The following CALN1 variants were observed in gnomAD, a reference collection of about 807,000 sequenced individuals.
The protein encoded by CALN1 is calcium-binding protein 8.
CALN1 carries 17 observed loss-of-function variants against 30.6 expected under a neutral mutation model. That is an observed-to-expected ratio of 0.56 (90% CI 0.38 to 0.83). The LOEUF (loss-of-function observed/expected upper bound fraction) is 0.83, where lower values mean the gene tolerates loss of function less well. Ranked by LOEUF, CALN1 falls within the 40% of genes least tolerant of loss-of-function variation. CALN1 has a pLI of 0.00. For synonymous variants in CALN1, 156 were observed against 131.4 expected, an observed-to-expected ratio of 1.19 and a Z score of -1.28; for missense variants, 291 against 354.9, an observed-to-expected ratio of 0.82 and a Z score of 1.45.
the CALN1 span, among the ~76,000 whole-genome samples, chr7:72,464,063 G>T: frequency 7.0e-6 from 1 of 143,546 alleles, no homozygotes; most frequent in East Asian, 2.0e-4. Context: ...GAAAGAGAAA[G>T]AAAGAAAGAA....
In CALN1 at chr7:71,985,869, T is replaced by C. The variant is rs374562304; in HGVS notation, c.501+37788A>G. On this transcript the variant is annotated intron_variant, in intron 5 of 6. Transcript: ENST00000395275. Reference sequence around the variant, plus strand: ...CCTCCCAAAGTGCTGGGATTACAGGTGTGAGCCACTGTACCTGGCCAGTAG... The same window carrying C: ...CCTCCCAAAGTGCTGGGATTACAGGCGTGAGCCACTGTACCTGGCCAGTAG... 3.1e-4 allele frequency among the ~76,000 whole-genome samples: 47 copies of C among 151,932 alleles called. No individual in the cohort carries two copies. The East Asian group carries it at 5.1e-3, about 16-fold the overall frequency.
chr7:71,903,391 T>C (rs1562886784), intron 5 of CALN1, among the ~76,000 whole-genome samples: 1 of 152,040 alleles, frequency 6.6e-6, no homozygotes, highest in African/African-American at 2.4e-5. Context: ...AGCCCAGAAA[T>C]AAATCCACAT....
At chr7:72,086,705 A>AT (rs1245637921) in intron 4 of CALN1, among the ~76,000 whole-genome samples, 2 of 152,130 alleles carry the variant, frequency 1.3e-5, no homozygotes, top group East Asian at 3.8e-4. Context: ...AAGTGCTGGG[A>AT]TTTTTACACA....
chr7:72,044,599 CTTTTTT>C (rs549079139), intron 4 of CALN1, among the ~76,000 whole-genome samples: 14 of 96,688 alleles, frequency 1.4e-4, no homozygotes, highest in African/African-American at 4.5e-4. Flanking sequence ...CCGCTTAAAA[CTTTTTT>C]TTTTTTTTTT....
chr7:72,245,655 T>G (rs1162419988), intron 3 of CALN1, among the ~76,000 whole-genome samples: 1 of 148,834 alleles, frequency 6.7e-6, no homozygotes, highest in Non-Finnish European at 1.5e-5. Flanking sequence ...AATAAATAAA[T>G]AAATAAAGTT....
chr7:71,863,759 T>C (rs1791437098), intron 5 of CALN1, among the ~76,000 whole-genome samples: 1 of 152,020 alleles, frequency 6.6e-6, no homozygotes, highest in Non-Finnish European at 1.5e-5. Context: ...CCTGCAGCAA[T>C]CCTCTAGCCT....
chr7:72,181,152 CTACCATGTTAAAG>C (rs1789777631), intron 3 of CALN1, among the ~76,000 whole-genome samples: 5 of 144,000 alleles, frequency 3.5e-5, no homozygotes, highest in African/African-American at 7.7e-5. Flanking sequence ...GCTTTTACCC[CTACCATGTTAAAG>C]TACCATGGAA....
intron 5 of CALN1, among the ~76,000 whole-genome samples, chr7:71,870,531 A>C (rs1584412562): frequency 6.6e-6 from 1 of 152,240 alleles, no homozygotes; most frequent in African/African-American, 2.4e-5. Flanking sequence ...AAGGCTAAAA[A>C]GAAAGATAAT....
At chr7:72,457,917 C>A in the CALN1 span, among the ~76,000 whole-genome samples, 1 of 151,012 alleles carries the variant, frequency 6.6e-6, no homozygotes, top group African/African-American at 2.4e-5. Context: ...CACCACGTCT[C>A]GATACTTTTT....
chr7:72,314,410 T>C (rs28667127), intron 2 of CALN1, among the ~76,000 whole-genome samples: 1 of 151,096 alleles, frequency 6.6e-6, no homozygotes, highest in Non-Finnish European at 1.5e-5. Flanking sequence ...TATATACACA[T>C]ATATATACAC....
intron 5 of CALN1, among the ~76,000 whole-genome samples, chr7:71,914,870 C>T (rs984213423): frequency 2.0e-5 from 3 of 152,200 alleles, no homozygotes; most frequent in East Asian, 1.9e-4. Flanking sequence ...CTGTTCATGT[C>T]GTTTGCCCAC....
chr7:72,295,264 T>C (rs1296716710), intron 2 of CALN1, among the ~76,000 whole-genome samples: 2 of 152,228 alleles, frequency 1.3e-5, no homozygotes, highest in African/African-American at 4.8e-5. Flanking sequence ...TTACGGGCTA[T>C]CTTTAAAGTA....
intron 2 of CALN1, among the ~76,000 whole-genome samples, chr7:72,279,413 T>G (rs1797583169): frequency 6.6e-6 from 1 of 152,208 alleles, no homozygotes; most frequent in African/African-American, 2.4e-5. Flanking sequence ...GAGTGGTGTG[T>G]GAGCACACAC....
intron 5 of CALN1, among the ~76,000 whole-genome samples, chr7:71,825,695 GA>G (rs1292949959): frequency 6.6e-6 from 1 of 151,978 alleles, no homozygotes; most frequent in Non-Finnish European, 1.5e-5. Context: ...TTTGGGCAAA[GA>G]AATGGAAGAC....
At chr7:72,335,366 A>G (rs1045902351) in intron 2 of CALN1, among the ~76,000 whole-genome samples, 1 of 152,186 alleles carries the variant, frequency 6.6e-6, no homozygotes, top group Non-Finnish European at 1.5e-5. Flanking sequence ...CAGAACCTGA[A>G]AATGCTAGGA....
At position 71,905,689 on chromosome 7, in the gene CALN1, G is replaced by A. The variant is rs543650529; in HGVS notation, c.502-95197C>T. Among the ~76,000 whole-genome samples, 15 of 152,170 alleles carry A rather than the reference G, an allele frequency of 9.9e-5. 1 individual carries two copies. In the South Asian group the frequency reaches 3.1e-3, roughly 32 times the overall value. ...CTAGGGCCTGACATGTCAGTAAAAT[G>A]TTTAGGAATCCAGTCACCAGAGGTA... is the stretch of plus-strand genomic sequence containing the variant. On this transcript the variant is annotated intron_variant, in intron 5 of 6. Transcript: ENST00000395275.
chr7:72,213,527 G>A (rs1310457927), intron 3 of CALN1, among the ~76,000 whole-genome samples: 1 of 152,168 alleles, frequency 6.6e-6, no homozygotes, highest in Non-Finnish European at 1.5e-5. Context: ...GGTGAGGGAT[G>A]CGCATTGCTG....
At chr7:72,212,201 T>C (rs1467564221) in intron 3 of CALN1, among the ~76,000 whole-genome samples, 1 of 151,710 alleles carries the variant, frequency 6.6e-6, no homozygotes, top group African/African-American at 2.4e-5. Flanking sequence ...TACAAAAAAT[T>C]AACCAGGCGT....
chr7:72,058,310 C>CTTTTTTCT (rs1803408313), intron 4 of CALN1, among the ~76,000 whole-genome samples: 1 of 70,746 alleles, frequency 1.4e-5, no homozygotes. Flanking sequence ...AAGCTGGAAT[C>CTTTTTTCT]TTTTTTTTTT....
Sources: allele counts gnomAD v4.1 joint callset (sites outside exome capture counted in the v4.1 genomes callset), GRCh38; gene constraint gnomAD v4.1.1; transcripts MANE v1.5; gene names NCBI Gene and HGNC (gene_info 2026-07-23, HGNC 2026-07-21).